Variants in FOXP1 observed in about 807,000 individuals in gnomAD.
FOXP1 encodes the protein forkhead box P1.
Under a neutral mutation model 98.2 loss-of-function variants are expected in FOXP1, and 15 were observed. The ratio of observed to expected loss-of-function variants is 0.15; its 90% confidence interval spans 0.10 to 0.24. The LOEUF (loss-of-function observed/expected upper bound fraction) is 0.24, where lower values mean the gene tolerates loss of function less well. Among genes scored for constraint, FOXP1 ranks in the 10% least tolerant of loss-of-function variants. The pLI, the probability that FOXP1 is intolerant of heterozygous loss-of-function variation, is 1.00. For synonymous variants in FOXP1, 371 were observed against 314.5 expected (o/e 1.18, Z -1.90); for missense variants, 633 against 848.5 (o/e 0.75, Z 3.15).
chr3:71,407,044 C>G (rs574830597), intron 3 of FOXP1, among the ~76,000 whole-genome samples: 13 of 152,140 alleles, frequency 8.5e-5, no homozygotes, highest in African/African-American at 3.1e-4. Context: ...AGAGATAACC[C>G]GGGCTGTTTC....
At chr3:71,517,615 C>T (rs1458332889) in intron 2 of FOXP1, among the ~76,000 whole-genome samples, 2 of 152,220 alleles carry the variant, frequency 1.3e-5, no homozygotes, top group African/African-American at 2.4e-5. Context: ...ACTGGTATCA[C>T]TTCTTTCTCC....
At chr3:71,377,936 A>G (rs2079843554) in intron 3 of FOXP1, among the ~76,000 whole-genome samples, 1 of 152,176 alleles carries the variant, frequency 6.6e-6, no homozygotes, top group Admixed American at 6.5e-5. Context: ...GAATATTGTG[A>G]ACATCTAAAT....
intron 3 of FOXP1, among the ~76,000 whole-genome samples, chr3:71,363,716 C>T (rs2078729350): frequency 6.6e-6 from 1 of 152,282 alleles, no homozygotes; most frequent in South Asian, 2.1e-4. Context: ...ACCAGCTAAA[C>T]GTTCATCAAA....
Position 71,176,727 on chromosome 3 carries a change from G to C in FOXP1, c.180+21475C>G, listed in dbSNP as rs955476807. On this transcript the variant is annotated intron_variant, in intron 6 of 20. Coordinates refer to ENST00000649528, the MANE Select transcript of FOXP1 (RefSeq NM_001349338.3). ...CTGTACTACTCCAGCCAGGGCAACA[G>C]AGCAAGAGGCTATCTCAAAAAAAAA... 2.6e-5 allele frequency among the ~76,000 whole-genome samples: 3 copies of C among 115,906 alleles called. No homozygotes were observed. The Admixed American group carries it at 3.3e-4, about 13-fold the overall frequency. The allele number at this position is 115,906 out of a possible 152,430, so 76.0% of individuals were successfully genotyped here.
chr3:71,250,275 C>T (rs2068078072), intron 5 of FOXP1, among the ~76,000 whole-genome samples: 1 of 152,188 alleles, frequency 6.6e-6, no homozygotes, highest in Non-Finnish European at 1.5e-5. Context: ...TGGTTGAGAA[C>T]CACTCATCTA....
chr3:71,283,707 T>C (rs1282398731), intron 5 of FOXP1, among the ~76,000 whole-genome samples: 1 of 152,234 alleles, frequency 6.6e-6, no homozygotes, highest in Non-Finnish European at 1.5e-5. Flanking sequence ...ATCCACCCAA[T>C]TTGCAAAAGA....
intron 5 of FOXP1, among the ~76,000 whole-genome samples, chr3:71,204,266 C>T (rs766929827): frequency 6.6e-6 from 1 of 152,228 alleles, no homozygotes; most frequent in African/African-American, 2.4e-5. Flanking sequence ...AGTTCTGGTT[C>T]TCATCAAGCA....
intron 5 of FOXP1, among the ~76,000 whole-genome samples, chr3:71,217,692 A>G (rs762143363): frequency 4.6e-5 from 7 of 152,114 alleles, no homozygotes; most frequent in Non-Finnish European, 7.4e-5. Flanking sequence ...TTGGAACCCT[A>G]CATTAGCAGA....
intron 3 of FOXP1, among the ~76,000 whole-genome samples, chr3:71,374,319 C>A (rs930518625): frequency 6.6e-6 from 1 of 152,118 alleles, no homozygotes; most frequent in Non-Finnish European, 1.5e-5. Flanking sequence ...CTGGGCCATG[C>A]GTGGTGGCTC....
intron 6 of FOXP1, among the ~76,000 whole-genome samples, chr3:71,176,974 G>C (rs2061979647): frequency 6.6e-6 from 1 of 151,650 alleles, no homozygotes; most frequent in African/African-American, 2.4e-5. Context: ...GAGGCAAGAG[G>C]ATCAATGGAA....
chr3:70,987,593 T>G (rs988725501), intron 14 of FOXP1, among the ~76,000 whole-genome samples: 2 of 152,224 alleles, frequency 1.3e-5, no homozygotes, highest in Non-Finnish European at 2.9e-5. Flanking sequence ...CACCACTGTC[T>G]CTCAGCTTAC....
chr3:71,148,479 T>C (rs2060424224), intron 6 of FOXP1, among the ~76,000 whole-genome samples: 2 of 152,380 alleles, frequency 1.3e-5, no homozygotes, highest in South Asian at 4.1e-4. Context: ...GCATTTGTTT[T>C]ACTGATTTGT....
intron 7 of FOXP1, chr3:71,064,889 G>C: frequency 9.3e-6 from 8 of 862,086 alleles, no homozygotes; most frequent in Non-Finnish European, 1.1e-5. Flanking sequence ...CGGGCCGGGC[G>C]TGGGGTCCGG....
intron 3 of FOXP1, among the ~76,000 whole-genome samples, chr3:71,451,322 C>T (rs2086930695): frequency 6.6e-6 from 1 of 152,144 alleles, no homozygotes; most frequent in Non-Finnish European, 1.5e-5. Context: ...ACAGATCAGT[C>T]CCTTTATAAA....
At chr3:71,173,663 C>A (rs1248666549) in intron 6 of FOXP1, among the ~76,000 whole-genome samples, 1 of 152,066 alleles carries the variant, frequency 6.6e-6, no homozygotes, top group Non-Finnish European at 1.5e-5. Flanking sequence ...CTATGAATAT[C>A]TAGTAAGGAA....
At chr3:71,337,366 C>A (rs1053226004) in intron 4 of FOXP1, among the ~76,000 whole-genome samples, 6 of 152,300 alleles carry the variant, frequency 3.9e-5, no homozygotes, top group African/African-American at 1.4e-4. Flanking sequence ...CTCAGTTATA[C>A]TAGCCACATC....
intron 3 of FOXP1, among the ~76,000 whole-genome samples, chr3:71,472,321 T>C (rs1394898361): frequency 6.6e-6 from 1 of 152,156 alleles, no homozygotes; most frequent in Non-Finnish European, 1.5e-5. Flanking sequence ...TACAGAACTG[T>C]TCATACCCAA....
chr3:71,444,142 G>A (rs116275860), intron 3 of FOXP1, among the ~76,000 whole-genome samples: 2,435 of 152,252 alleles, frequency 0.016, 58 homozygotes, highest in African/African-American at 0.056. Flanking sequence ...CGAACAGACT[G>A]GCCTGCGCCA....
chr3:71,064,755 C>T (rs2052142510), intron 7 of FOXP1: 1 of 981,906 alleles, frequency 1.0e-6, no homozygotes, highest in Non-Finnish European at 1.2e-6. Flanking sequence ...GCGAGGCCCC[C>T]AGGAAGCGGG....
Sources: gnomAD v4.1 joint callset for allele counts (sites outside exome capture counted in the v4.1 genomes callset) on GRCh38, gnomAD v4.1.1 for gene constraint, MANE v1.5 for transcripts, NCBI Gene and HGNC (gene_info 2026-07-23, HGNC 2026-07-21) for gene names.